The following MEGF8 variants were observed in gnomAD, a reference collection of about 807,000 sequenced individuals.
MEGF8 encodes the protein multiple epidermal growth factor-like domains protein 8.
MEGF8 carries 156 observed loss-of-function variants against 302.9 expected under a neutral mutation model. That is an observed-to-expected ratio of 0.52 (90% CI 0.45 to 0.59). The LOEUF is 0.59. Ranked by LOEUF, MEGF8 falls within the 20% of genes least tolerant of loss-of-function variation. The pLI is 0.00. For missense variants in MEGF8, 3,345 were observed against 3,964.5 expected (o/e 0.84, Z 4.20); for synonymous variants, 1,621 against 1,660.5 (o/e 0.98, Z 0.58).
intron 8 of MEGF8, among the ~76,000 whole-genome samples, chr19:42,342,404 C>T (rs1048319113): frequency 1.3e-5 from 2 of 152,072 alleles, no homozygotes; most frequent in Non-Finnish European, 2.9e-5. Context: ...TTTGGGAGGC[C>T]GAGGCGAGTG....
chr19:42,334,229 G>T lies in MEGF8; in HGVS notation c.558+16G>T. Reference sequence around the variant, plus strand: ...CTGCGCCTCGGTGAGCCGGTCCCCAGCCCTGTTTCCCCTGGGGCCCTGATC... The same window carrying T: ...CTGCGCCTCGGTGAGCCGGTCCCCATCCCTGTTTCCCCTGGGGCCCTGATC... On this transcript the variant is annotated intron_variant, in intron 3 of 41. Coordinates refer to ENST00000251268, the MANE Select transcript of MEGF8 (RefSeq NM_001271938.2). The T allele has an allele frequency of 6.4e-7, 1 of 1,573,564 alleles. No homozygotes were observed.
chr19:42,326,175 C>T lies in MEGF8; in HGVS notation c.-69C>T. The T allele has an allele frequency of 7.0e-7, 1 of 1,433,982 alleles. No individual in the cohort carries two copies. 88.8% of individuals were successfully genotyped at this position (1,433,982 alleles called of 1,614,324 possible). A position where few individuals can be genotyped will look rare whatever the true frequency, so the allele number is the denominator to read the frequency against. ...GAGGTCGCATTTGCAGGGCCTCACC[C>T]CGGGTAGAGGGTCCTCTCCAGGTTT... is the stretch of plus-strand genomic sequence containing the variant. On this transcript the variant is annotated 5_prime_UTR_variant, in exon 1 of 42. Coordinates refer to ENST00000251268, the MANE Select transcript of MEGF8 (RefSeq NM_001271938.2).
rs181826080 is a variant in MEGF8 at position 42,368,029 on chromosome 19, C to T, written c.6274-426C>T. Among the ~76,000 whole-genome samples, 31 of 152,272 alleles carry T rather than the reference C, an allele frequency of 2.0e-4. No individual in the cohort carries two copies. The highest frequency in any genetic ancestry group is 7.5e-4 in the African/African-American group (31 of 41,540). On this transcript the variant is annotated intron_variant, in intron 35 of 41. Transcript: ENST00000251268. This position sits in a 1 kb window ranked among gnomAD's most constrained non-coding sequence, Gnocchi z 4.9. ...CTCAAACTCCCGGGCTCAAAAAATCCTACCTCAGCCCCCCAGGTAGCTGGG... is the reference window on the plus strand; with the variant it reads ...CTCAAACTCCCGGGCTCAAAAAATCTTACCTCAGCCCCCCAGGTAGCTGGG...
At position 42,362,482 on chromosome 19, in the gene MEGF8, C is replaced by T. The variant is rs1021747931; in HGVS notation, c.5943C>T (p.Asn1981=). The change falls in exon 34 of 42, where the codon AAC becomes AAT. Residue 1981 remains asparagine, a synonymous_variant. Transcript: ENST00000251268. Reference sequence around the variant, plus strand: ...CCTCTGAGAATGACTGTCGGATCAACCAGCGAGAGGTCTTCTGGGCAGGGA... The same window carrying T: ...CCTCTGAGAATGACTGTCGGATCAATCAGCGAGAGGTCTTCTGGGCAGGGA... ...SCTSENDCRI[N]QREVFWAGNC... 12 of 1,613,968 alleles carry T rather than the reference C, an allele frequency of 7.4e-6. No homozygotes were observed. Among genetic ancestry groups the T allele is most frequent in the Non-Finnish European group, 9.3e-6 (11 of 1,179,884 alleles).
In MEGF8 at chr19:42,344,136, T is replaced by G; in HGVS notation, c.1788+63T>G. 6.4e-7 allele frequency: 1 copy of G among 1,564,046 alleles called. No homozygotes were observed. The highest frequency in any genetic ancestry group is 8.6e-7 in the Non-Finnish European group (1 of 1,158,128). On this transcript the variant is annotated intron_variant, in intron 10 of 41. Coordinates refer to ENST00000251268, the MANE Select transcript of MEGF8 (RefSeq NM_001271938.2). This position sits in a 1 kb window ranked among gnomAD's most constrained non-coding sequence, Gnocchi z 4.5. ...GAGACCTGCCCTCAGTGTCTCCCTC[T>G]GCCTAACCAGATGGACAAGAACTTT...
intron 12 of MEGF8, among the ~76,000 whole-genome samples, chr19:42,345,308 TAAAATACA>T (rs2039274098): frequency 6.6e-6 from 1 of 152,240 alleles, no homozygotes; most frequent in Non-Finnish European, 1.5e-5. Flanking sequence ...TACATTGTGG[TAAAATACA>T]CATAAAATTT....
intron 41 of MEGF8, among the ~76,000 whole-genome samples, chr19:42,373,230 C>T (rs902446733): frequency 4.6e-5 from 7 of 151,516 alleles, no homozygotes; most frequent in South Asian, 2.1e-4. Context: ...GTAGCTGGGA[C>T]TACAGGCACG....
In MEGF8 at chr19:42,369,500, A is replaced by G. The variant is rs779071842; in HGVS notation, c.6642-31A>G. The G allele has an allele frequency of 1.3e-6, 2 of 1,588,266 alleles. No homozygotes were observed. The highest frequency in any genetic ancestry group is 2.7e-5 in the African/African-American group (2 of 74,620). ...CCATGAAGCCACGAGGAGGGTGGCCACCTGCCCTGACCCCCACTTTGCCCC... is the reference window on the plus strand; with the variant it reads ...CCATGAAGCCACGAGGAGGGTGGCCGCCTGCCCTGACCCCCACTTTGCCCC... On this transcript the variant is annotated intron_variant, in intron 37 of 41. Coordinates refer to ENST00000251268, the MANE Select transcript of MEGF8 (RefSeq NM_001271938.2). This position sits in a 1 kb window ranked among gnomAD's most constrained non-coding sequence, Gnocchi z 5.7.
Position 42,349,622 on chromosome 19 carries a change from C to A in MEGF8, c.2422C>A (p.Gln808Lys). The A allele has an allele frequency of 1.2e-6, 2 of 1,612,288 alleles. No homozygotes were observed. Among genetic ancestry groups the A allele is most frequent in the Non-Finnish European group, 8.5e-7 (1 of 1,179,810 alleles). ...DHKYAVEIQG[Q>K]LNGSAGPGHS... ...CAAGTATGCAGTAGAGATCCAGGGC[C>A]AGCTCAATGGCTCGGCAGGCCCTGG... Residue 808 changes from glutamine (Q) to lysine (K), a missense_variant, in exon 14 of 42, where the codon CAG becomes AAG. Coordinates refer to ENST00000251268, the MANE Select transcript of MEGF8 (RefSeq NM_001271938.2).
At chr19:42,362,035 G>A in intron 32 of MEGF8, 55 bp from the exon 33 acceptor site, 1 of 1,596,154 alleles carries the variant, frequency 6.3e-7, no homozygotes, top group Non-Finnish European at 8.5e-7. Flanking sequence ...GTGTCTGGGA[G>A]GCAGAAGGAG....
rs934544248 is a variant in MEGF8, at chr19:42,375,054, C to A, written c.7270-453C>A. Among the ~76,000 whole-genome samples, 2 of 152,110 alleles carry A rather than the reference C, an allele frequency of 1.3e-5. No homozygotes were observed. Among genetic ancestry groups the A allele is most frequent in the Admixed American group, 6.5e-5 (1 of 15,274 alleles). ...AGGCAGGCAGGCGAGGCTGGCTGAC[C>A]CTGCGCCGAGTGCCATGCACATGAT... On this transcript the variant is annotated intron_variant, in intron 41 of 41. Coordinates refer to ENST00000251268, the MANE Select transcript of MEGF8 (RefSeq NM_001271938.2). This position sits in a 1 kb window ranked among gnomAD's most constrained non-coding sequence, Gnocchi z 7.1.
intron 12 of MEGF8, among the ~76,000 whole-genome samples, chr19:42,348,035 G>A (rs547846638): frequency 1.3e-5 from 2 of 152,314 alleles, no homozygotes; most frequent in South Asian, 2.1e-4. Flanking sequence ...AGATGGAAAT[G>A]GCTAGAGGCC....
intron 5 of MEGF8, 148 bp from the exon 6 acceptor site, chr19:42,335,783 C>A: frequency 1.4e-6 from 1 of 729,576 alleles, no homozygotes; most frequent in Non-Finnish European, 2.1e-6. Context: ...CTCTTCTTTT[C>A]TCTCTCTGCC....
chr19:42,343,437 T>A, intron 8 of MEGF8, 40 bp from the exon 9 acceptor site: 1 of 1,552,264 alleles, frequency 6.4e-7, no homozygotes. Context: ...GTGGAGGGGC[T>A]GGGGGTCTAA....
Position 42,369,175 on chromosome 19 carries a change from T to A in MEGF8, c.6641+173T>A, listed in dbSNP as rs1187846287. On this transcript the variant is annotated intron_variant, in intron 37 of 41. Coordinates refer to ENST00000251268, the MANE Select transcript of MEGF8 (RefSeq NM_001271938.2). This position sits in a 1 kb window ranked among gnomAD's most constrained non-coding sequence, Gnocchi z 5.7. ...AGTGGTGAGGCTGAGCAGGGAAGAGTGAGTTTCATAGGGTACCCCAATGGC... is the reference window on the plus strand; with the variant it reads ...AGTGGTGAGGCTGAGCAGGGAAGAGAGAGTTTCATAGGGTACCCCAATGGC... 2.0e-5 allele frequency among the ~76,000 whole-genome samples: 3 copies of A among 151,168 alleles called. No homozygotes were observed. Among genetic ancestry groups the A allele is most frequent in the African/African-American group, 7.3e-5 (3 of 41,054 alleles).
chr19:42,376,892 TC>T lies in MEGF8; in HGVS notation c.*122del. The T allele has an allele frequency of 8.4e-7, 1 of 1,195,892 alleles. No individual in the cohort carries two copies. The highest frequency in any genetic ancestry group is 1.1e-6 in the Non-Finnish European group (1 of 914,482). The allele number at this position is 1,195,892 out of a possible 1,614,324, so 74.1% of individuals were successfully genotyped here. A position where few individuals can be genotyped will look rare whatever the true frequency, so the allele number is the denominator to read the frequency against. On this transcript the variant is annotated 3_prime_UTR_variant, in exon 42 of 42. Transcript: ENST00000251268. This position sits in a 1 kb window ranked among gnomAD's most constrained non-coding sequence, Gnocchi z 8.2. The stretch of plus-strand genomic sequence containing the variant: ...TCTACTTGGAGACCACTGGCCCCCT[TC>T]CCCCAGGGTTGCCCAGATGGGGCCT...
chr19:42,368,993 C>T lies in MEGF8; in HGVS notation c.6632C>T (p.Thr2211Ile). ...GYECSCKTGY[T>I]MDNMTGLCRP... ...GAGTGCAGCTGCAAGACCGGCTATA[C>T]CATGGACAAGTGAGGCCGCAGGCGG... Residue 2211 changes from threonine (T) to isoleucine (I), a missense_variant, in exon 37 of 42, where the codon ACC becomes ATC. Coordinates refer to ENST00000251268, the MANE Select transcript of MEGF8 (RefSeq NM_001271938.2). This position sits in a 1 kb window ranked among gnomAD's most constrained non-coding sequence, Gnocchi z 4.9. 1.2e-6 allele frequency: 2 copies of T among 1,613,514 alleles called. No homozygotes were observed. The highest frequency in any genetic ancestry group is 2.2e-5 in the East Asian group (1 of 44,886).
In MEGF8 at chr19:42,354,017, C is replaced by A; in HGVS notation, c.4004C>A (p.Pro1335His). 1 of 1,586,950 alleles carries A rather than the reference C, an allele frequency of 6.3e-7. No individual in the cohort carries two copies. The highest frequency in any genetic ancestry group is 2.3e-5 in the East Asian group (1 of 43,156). ...ACCTTCTCCCCCGACAGCAGCACCC[C>A]CTGCACGGTGAGCACTGAGGAAACG... ...TLTFSPDSST[P>H]CTLSYVLAFD... is the part of the protein sequence containing the mutation. The change falls in exon 22 of 42, where the codon CCC becomes CAC. Residue 1335 changes from proline to histidine, a missense_variant. Transcript: ENST00000251268. The surrounding 1 kb of genome is among the most constrained non-coding windows in gnomAD (Gnocchi z 4.3).
At chr19:42,367,630 A>G (rs2039627449) in intron 35 of MEGF8, among the ~76,000 whole-genome samples, 1 of 152,150 alleles carries the variant, frequency 6.6e-6, no homozygotes, top group Non-Finnish European at 1.5e-5. Context: ...TTCTGGGAAC[A>G]TTGCCATTGT....
Sources: gnomAD v4.1 joint callset for allele counts (sites outside exome capture counted in the v4.1 genomes callset) on GRCh38, gnomAD v4.1.1 for gene constraint, Gnocchi (gnomAD v3.1) non-coding constraint, MANE v1.5 for transcripts, NCBI Gene and HGNC (gene_info 2026-07-23, HGNC 2026-07-21) for gene names.